PKP4: variants seen among roughly 807,000 people sequenced by gnomAD.
PKP4 encodes the protein plakophilin 4.
PKP4 carries 90 observed loss-of-function variants against 145.1 expected under a neutral mutation model. The observed-to-expected ratio is 0.62, with a 90% CI of 0.52 to 0.74. The LOEUF (loss-of-function observed/expected upper bound fraction) is 0.74, where lower values mean the gene tolerates loss of function less well. Among genes scored for constraint, PKP4 ranks in the 30% least tolerant of loss-of-function variants. PKP4 has a pLI of 0.00. For synonymous variants in PKP4, 563 were observed against 577.2 expected (o/e 0.98, Z 0.35); for missense variants, 1,340 against 1,482.7 (o/e 0.90, Z 1.58).
chr2:158,530,684 C>T (rs916485089), intron 1 of PKP4, among the ~76,000 whole-genome samples: 1 of 151,986 alleles, frequency 6.6e-6, no homozygotes, highest in Non-Finnish European at 1.5e-5. Flanking sequence ...TATCCCTCCC[C>T]TGCCCCATGT....
chr2:158,475,281 A>G (rs1161529603), intron 1 of PKP4, among the ~76,000 whole-genome samples: 2 of 152,152 alleles, frequency 1.3e-5, no homozygotes, highest in South Asian at 2.1e-4. Flanking sequence ...TTGATAACAT[A>G]TCTATATGCT....
intron 2 of PKP4, among the ~76,000 whole-genome samples, chr2:158,554,136 A>G (rs1270580161): frequency 6.7e-6 from 1 of 149,916 alleles, no homozygotes; most frequent in East Asian, 1.9e-4. Context: ...CTCCTTTGAG[A>G]CTTCCATGCC....
chr2:158,677,527 C>A (rs1445512016), intron 20 of PKP4, among the ~76,000 whole-genome samples: 1 of 152,212 alleles, frequency 6.6e-6, no homozygotes, highest in Non-Finnish European at 1.5e-5. Flanking sequence ...GCGATTATAA[C>A]TACTTTAGAT....
intron 7 of PKP4, among the ~76,000 whole-genome samples, chr2:158,627,584 T>C (rs1013335415): frequency 9.2e-5 from 14 of 151,902 alleles, no homozygotes; most frequent in Admixed American, 2.6e-4. Flanking sequence ...TGATAAGCAA[T>C]GTTTTGTACT....
chr2:158,646,555 G>A (rs1457222049), intron 11 of PKP4, among the ~76,000 whole-genome samples: 1 of 152,088 alleles, frequency 6.6e-6, no homozygotes, highest in South Asian at 2.1e-4. Flanking sequence ...ACATTTCCCA[G>A]TCCTACAATT....
chr2:158,603,811 T>G (rs950652006), intron 4 of PKP4, among the ~76,000 whole-genome samples: 1 of 152,202 alleles, frequency 6.6e-6, no homozygotes, highest in Non-Finnish European at 1.5e-5. Context: ...TGAACAATGT[T>G]GTAATGCTGG....
At chr2:158,475,861 A>G (rs1468431010) in intron 1 of PKP4, among the ~76,000 whole-genome samples, 1 of 152,224 alleles carries the variant, frequency 6.6e-6, no homozygotes. Flanking sequence ...TGATTCTGGA[A>G]GAATCACAAC....
Position 158,533,234 on chromosome 2 carries a change from C to T in PKP4, c.50C>T (p.Thr17Ile), listed in dbSNP as rs1208836649. 1 of 1,613,852 alleles carries T rather than the reference C, an allele frequency of 6.2e-7. No homozygotes were observed. The highest frequency in any genetic ancestry group is 1.3e-5 in the African/African-American group (1 of 74,914). Residue 17 changes from threonine (T) to isoleucine (I), a missense_variant, in exon 2 of 22, where the codon ACC (threonine) becomes ATC (isoleucine). Transcript: ENST00000389759. ...TTGGTGGAGGAGGGGCAACCACAGA[C>T]CCGCCAGGAAGCTGCCTCCACTGGC... ...ASLVEEGQPQ[T>I]RQEAASTGPG...
At chr2:158,624,830 A>G in intron 6 of PKP4, 48 bp from the exon 7 acceptor site, 1 of 1,463,572 alleles carries the variant, frequency 6.8e-7, no homozygotes, top group Non-Finnish European at 9.2e-7. Context: ...GGCAATGAAC[A>G]CAAAACCCTG....
At chr2:158,579,471 C>G (rs2048142733) in intron 3 of PKP4, among the ~76,000 whole-genome samples, 1 of 149,158 alleles carries the variant, frequency 6.7e-6, no homozygotes, top group South Asian at 2.1e-4. Flanking sequence ...CATTGAATTA[C>G]ATATCATAAA....
At chr2:158,674,234 G>A (rs1418046053) in intron 19 of PKP4, among the ~76,000 whole-genome samples, 2 of 152,150 alleles carry the variant, frequency 1.3e-5, no homozygotes, top group East Asian at 3.9e-4. Context: ...CTGCCCTCAA[G>A]TCTGCCTCAC....
chr2:158,612,517 G>A (rs2051235309), intron 4 of PKP4, among the ~76,000 whole-genome samples: 1 of 151,960 alleles, frequency 6.6e-6, no homozygotes, highest in South Asian at 2.1e-4. Context: ...CCTGGACAAG[G>A]GTGTATACAT....
chr2:158,598,015 A>G (rs996399410), intron 3 of PKP4, among the ~76,000 whole-genome samples: 1 of 151,896 alleles, frequency 6.6e-6, no homozygotes, highest in Non-Finnish European at 1.5e-5. Context: ...TTGTAGAGAT[A>G]GGGTCTCACT....
intron 1 of PKP4, among the ~76,000 whole-genome samples, chr2:158,515,769 GACCTGGTGGTGCAC>G (rs1381459390): frequency 6.6e-6 from 1 of 152,134 alleles, no homozygotes; most frequent in African/African-American, 2.4e-5. Context: ...GGGGTTGGCT[GACCTGGTGGTGCAC>G]ACCTGTAATC....
intron 1 of PKP4, among the ~76,000 whole-genome samples, chr2:158,502,572 TC>T (rs1203152153): frequency 2.0e-5 from 3 of 152,176 alleles, no homozygotes; most frequent in African/African-American, 7.2e-5. Context: ...CCGGTCCCCT[TC>T]CATGTGGATC....
chr2:158,520,834 C>A (rs951159153), intron 1 of PKP4, among the ~76,000 whole-genome samples: 1 of 152,170 alleles, frequency 6.6e-6, no homozygotes, highest in African/African-American at 2.4e-5. Context: ...TAAATGGAAT[C>A]CCACTGTTTG....
intron 1 of PKP4, among the ~76,000 whole-genome samples, chr2:158,521,462 T>C (rs977866855): frequency 2.0e-5 from 3 of 152,210 alleles, no homozygotes; most frequent in Non-Finnish European, 4.4e-5. Context: ...CTACTATGCA[T>C]AGATTATTCT....
At chr2:158,480,148 G>A (rs1559199603) in intron 1 of PKP4, among the ~76,000 whole-genome samples, 1 of 152,160 alleles carries the variant, frequency 6.6e-6, no homozygotes, top group Non-Finnish European at 1.5e-5. Context: ...AGGTTTTAAA[G>A]ATTTCTGTTA....
At chr2:158,642,410 T>C in intron 10 of PKP4, 76 bp from the exon 11 acceptor site, 14 of 1,075,148 alleles carry the variant, frequency 1.3e-5, no homozygotes, top group South Asian at 7.4e-5. Context: ...CTGTGATCTC[T>C]CCATAACGGA....
Sources: gnomAD v4.1 joint callset for allele counts (sites outside exome capture counted in the v4.1 genomes callset) on GRCh38, gnomAD v4.1.1 for gene constraint, MANE v1.5 for transcripts, NCBI Gene and HGNC (gene_info 2026-07-23, HGNC 2026-07-21) for gene names.